The following CNKSR2 variants were observed in gnomAD, a reference collection of about 807,000 sequenced individuals.
The protein encoded by CNKSR2 is CNK homolog protein 2.
In CNKSR2, 14 loss-of-function variants were observed where a neutral mutation model predicts 84.4. That is an observed-to-expected ratio of 0.17 (90% CI 0.11 to 0.26). The LOEUF (loss-of-function observed/expected upper bound fraction) is 0.26. CNKSR2 is among the 10% of genes least tolerant of loss of function. CNKSR2 has a pLI of 1.00. For synonymous variants in CNKSR2, 275 were observed against 277.9 expected (o/e 0.99, Z 0.10); for missense variants, 485 against 771.2 (o/e 0.63, Z 4.40).
chrX:21,606,952 A>G (rs1003427414), intron 19 of CNKSR2, 73 bp downstream of exon 19: 1 of 563,943 alleles, frequency 1.8e-6, no homozygotes, highest in Non-Finnish European at 2.7e-6. Flanking sequence ...TGTTAAAAAC[A>G]TATGTAGTAG....
chrX:21,471,518 T>C (rs1290354509), intron 5 of CNKSR2, among the ~76,000 whole-genome samples: 1 of 112,533 alleles, frequency 8.9e-6, no homozygotes, highest in Non-Finnish European at 1.9e-5. Flanking sequence ...GACATTTGCC[T>C]CATTTATTCC....
chrX:21,568,894 A>G (rs1373445617), intron 13 of CNKSR2, among the ~76,000 whole-genome samples: 1 of 111,371 alleles, frequency 9.0e-6, no homozygotes, highest in East Asian at 2.8e-4. Context: ...AGCATAATTT[A>G]ACAGAAACCT....
intron 6 of CNKSR2, among the ~76,000 whole-genome samples, chrX:21,495,935 A>G (rs887422494): frequency 9.2e-6 from 1 of 109,089 alleles, no homozygotes; most frequent in Non-Finnish European, 1.9e-5. Context: ...TGTGAACACC[A>G]TAGAATGTAC....
At chrX:21,462,082 A>G (rs909824686) in intron 4 of CNKSR2, among the ~76,000 whole-genome samples, 7 of 110,967 alleles carry the variant, frequency 6.3e-5, no homozygotes, top group Admixed American at 2.9e-4. Context: ...GAAGAATGTC[A>G]TTGGTATTTT....
intron 20 of CNKSR2, among the ~76,000 whole-genome samples, chrX:21,630,712 T>C (rs868601410): frequency 2.8e-5 from 3 of 106,603 alleles, no homozygotes; most frequent in African/African-American, 1.0e-4. Context: ...CACACACACA[T>C]ACATATATAT....
intron 1 of CNKSR2, among the ~76,000 whole-genome samples, chrX:21,391,786 A>G (rs1236495297): frequency 8.9e-6 from 1 of 112,196 alleles, no homozygotes; most frequent in Non-Finnish European, 1.9e-5. Flanking sequence ...TTTGTACCAG[A>G]TAGTCAGACT....
chrX:21,389,897 A>G (rs760717125), intron 1 of CNKSR2, among the ~76,000 whole-genome samples: 23 of 112,728 alleles, frequency 2.0e-4, no homozygotes, highest in Non-Finnish European at 3.9e-4. Flanking sequence ...CATTCTACTA[A>G]ATTTAATCTT....
chrX:21,376,096 T>G (rs761561547), intron 1 of CNKSR2, among the ~76,000 whole-genome samples: 2 of 112,529 alleles, frequency 1.8e-5, no homozygotes, highest in Non-Finnish European at 3.8e-5. Context: ...AAAGGCTTAT[T>G]ATCGCTGAAA....
At chrX:21,562,859 C>G (rs1365112474) in intron 12 of CNKSR2, among the ~76,000 whole-genome samples, 1 of 111,099 alleles carries the variant, frequency 9.0e-6, no homozygotes, top group Non-Finnish European at 1.9e-5. Context: ...GGCAAAATCC[C>G]CATGAGGGTG....
At chrX:21,502,026 G>T in intron 8 of CNKSR2, among the ~76,000 whole-genome samples, 1 of 107,800 alleles carries the variant, frequency 9.3e-6, no homozygotes, top group South Asian at 4.2e-4. Context: ...TAAAGTATCT[G>T]GTGGTTTTGG....
At chrX:21,611,554 T>A (rs1017054466) in intron 20 of CNKSR2, among the ~76,000 whole-genome samples, 1 of 112,291 alleles carries the variant, frequency 8.9e-6, no homozygotes, top group Non-Finnish European at 1.9e-5. Flanking sequence ...ATTCTTCAGG[T>A]TTCCAGTAGT....
intron 20 of CNKSR2, among the ~76,000 whole-genome samples, chrX:21,626,842 T>C (rs1277353073): frequency 8.9e-6 from 1 of 112,209 alleles, no homozygotes; most frequent in Non-Finnish European, 1.9e-5. Flanking sequence ...ATGTAATACA[T>C]ATCCAAGAGG....
intron 1 of CNKSR2, among the ~76,000 whole-genome samples, chrX:21,413,274 C>G (rs998880108): frequency 9.0e-6 from 1 of 110,773 alleles, no homozygotes; most frequent in Non-Finnish European, 1.9e-5. Context: ...AAAATGTATA[C>G]ACATTTTAAA....
intron 1 of CNKSR2, among the ~76,000 whole-genome samples, chrX:21,406,199 G>C (rs912777956): frequency 9.0e-6 from 1 of 111,413 alleles, no homozygotes; most frequent in Non-Finnish European, 1.9e-5. Flanking sequence ...CTGAGCATGT[G>C]AGGGATCTAG....
Position 21,432,603 on chromosome X carries a change from A to G in CNKSR2, c.229-9A>G, listed in dbSNP as rs779147491. ...TTTAAATATATTCTCTCTCTTTTTT[A>G]TAATTCAGAATTATGGCTTGGAAAC... On this transcript the variant is annotated splice_polypyrimidine_tract_variant and intron_variant, in intron 2 of 21. Coordinates refer to ENST00000379510, the MANE Select transcript of CNKSR2 (RefSeq NM_014927.5). 42 of 1,087,519 alleles carry G rather than the reference A, an allele frequency of 3.9e-5. No homozygotes were observed. Among genetic ancestry groups the G allele is most frequent in the Admixed American group, 8.1e-5 (3 of 37,253 alleles). The allele number at this position is 1,087,519 out of a possible 1,213,427, so 89.6% of individuals were successfully genotyped here.
chrX:21,427,869 A>G (rs1018741597), intron 2 of CNKSR2: 1 of 112,028 alleles, frequency 8.9e-6, no homozygotes, highest in Non-Finnish European at 1.9e-5. Context: ...GGATTCAGGA[A>G]GTGTAGGTAA....
rs779361821 is a variant in CNKSR2 at position 21,654,356 on chromosome X, T to G, written c.*1835T>G. On this transcript the variant is annotated 3_prime_UTR_variant, in exon 22 of 22. Transcript: ENST00000379510. ...TAACAGGTGTTTAGACTTATTGATG[T>G]TTACTAGACCAAATGTGTATGTTCA... 9.4e-6 allele frequency: 1 copy of G among 106,810 alleles called. No homozygotes were observed. The highest frequency in any genetic ancestry group is 1.9e-5 in the Non-Finnish European group (1 of 51,987). The allele number at this position is 106,810 out of a possible 1,213,427, so 8.8% of individuals were successfully genotyped here. A position where few individuals can be genotyped will look rare whatever the true frequency, so the allele number is the denominator to read the frequency against.
At chrX:21,479,401 A>G (rs1231628583) in intron 5 of CNKSR2, among the ~76,000 whole-genome samples, 1 of 111,107 alleles carries the variant, frequency 9.0e-6, no homozygotes, top group Non-Finnish European at 1.9e-5. Context: ...ATTTTGATAT[A>G]ATATTTGTTT....
intron 1 of CNKSR2, among the ~76,000 whole-genome samples, chrX:21,414,211 T>G (rs1305596983): frequency 9.0e-6 from 1 of 111,382 alleles, no homozygotes; most frequent in Non-Finnish European, 1.9e-5. Context: ...TTGCCTTTTC[T>G]CCACATCCTC....
Sources: allele counts gnomAD v4.1 joint callset (sites outside exome capture counted in the v4.1 genomes callset), GRCh38; gene constraint gnomAD v4.1.1; transcripts MANE v1.5; gene names NCBI Gene and HGNC (gene_info 2026-07-23, HGNC 2026-07-21).